Variants in EML6 observed in about 807,000 individuals in gnomAD.
The protein encoded by EML6 is echinoderm microtubule-associated protein-like 6.
EML6 carries 154 observed loss-of-function variants against 240.1 expected under a neutral mutation model. The ratio of observed to expected loss-of-function variants is 0.64; its 90% confidence interval spans 0.56 to 0.73. The LOEUF is 0.73. Among genes scored for constraint, EML6 ranks in the 30% least tolerant of loss-of-function variants. The pLI is 0.00. For synonymous variants in EML6, 1,148 were observed against 899.0 expected (o/e 1.28, Z -4.95); for missense variants, 2,964 against 2,474.6 (o/e 1.20, Z -4.20).
intron 17 of EML6, among the ~76,000 whole-genome samples, chr2:54,886,160 C>CTTT (rs869107962): frequency 3.5e-3 from 284 of 82,190 alleles, no homozygotes; most frequent in Middle Eastern, 8.2e-3. Flanking sequence ...TTTTAACCTT[C>CTTT]TTTTTTTTTT....
rs1670997136 is a variant in EML6 at position 54,866,856 on chromosome 2, G to A, written c.2023G>A (p.Asp675Asn). The change falls in exon 14 of 42, where the codon GAC becomes AAC. Residue 675 changes from aspartate to asparagine, a missense_variant. Physicochemically the swap from Asp to Asn is conservative, Grantham distance 23. Transcript: ENST00000356458. ...PFLKREKAPE[D>N]SLKLQFIHGY... The stretch of plus-strand genomic sequence containing the variant: ...CCTCAAACGAGAAAAGGCTCCTGAG[G>A]ACAGCTTGAAACTCCAGTTCATACA... 1.3e-6 allele frequency: 2 copies of A among 1,550,890 alleles called. No homozygotes were observed. The highest frequency in any genetic ancestry group is 1.7e-6 in the Non-Finnish European group (2 of 1,146,484).
At chr2:54,797,113 C>T (rs1173457914) in intron 2 of EML6, among the ~76,000 whole-genome samples, 1 of 135,270 alleles carries the variant, frequency 7.4e-6, no homozygotes, top group Non-Finnish European at 1.5e-5. Context: ...TGCAGTGAGC[C>T]GAGATCGTGC....
rs371490735 is a variant in EML6, at chr2:54,895,006, C to A, written c.2834C>A (p.Ala945Glu). The A allele has an allele frequency of 6.4e-7, 1 of 1,550,874 alleles. No homozygotes were observed. The highest frequency in any genetic ancestry group is 8.7e-7 in the Non-Finnish European group (1 of 1,146,194). Reference protein sequence around the residue: ...CLKTYAIKRSALSTSSKGLLL... With the variant: ...CLKTYAIKRSELSTSSKGLLL... ...AAGACTTATGCCATTAAAAGATCAG[C>A]ATTGTCGACTAGCTCAAAAGGTGCC... Residue 945 changes from alanine (A) to glutamate (E), a missense_variant, in exon 20 of 42, where the codon GCA becomes GAA. Transcript: ENST00000356458.
rs1573177410 is a variant in EML6, at chr2:54,935,875, A to T, written c.4004+7124A>T. Among the ~76,000 whole-genome samples the T allele has an allele frequency of 4.6e-5, 7 of 152,264 alleles. No homozygotes were observed. The South Asian group carries it at 1.2e-3, about 27-fold the overall frequency. On this transcript the variant is annotated intron_variant, in intron 28 of 41. Coordinates refer to ENST00000356458, the MANE Select transcript of EML6 (RefSeq NM_001039753.4). ...GGCCCTATCTCTACAAACAAAATTT[A>T]AAAAATTAGCTGGGAATGAAAACAC...
intron 16 of EML6, among the ~76,000 whole-genome samples, chr2:54,878,893 T>C (rs1051386763): frequency 6.6e-6 from 1 of 152,210 alleles, no homozygotes; most frequent in Admixed American, 6.5e-5. Context: ...AGGATATATA[T>C]CAAATGTTAG....
intron 2 of EML6, among the ~76,000 whole-genome samples, chr2:54,761,118 T>C (rs1313470780): frequency 6.6e-6 from 1 of 152,156 alleles, no homozygotes; most frequent in African/African-American, 2.4e-5. Flanking sequence ...AGCCAAATGA[T>C]AATAACTCTC....
At chr2:54,884,448 C>T (rs1672012198) in intron 17 of EML6, among the ~76,000 whole-genome samples, 1 of 152,170 alleles carries the variant, frequency 6.6e-6, no homozygotes, top group African/African-American at 2.4e-5. Flanking sequence ...ATCTTTTGAT[C>T]CCTCTCCCTT....
Position 54,928,703 on chromosome 2 carries a change from A to G in EML6, c.3956A>G (p.Glu1319Gly). ...KIYAVSIREM[E>G]GTKPHQQLKE... ...TATGCTGTGAGCATCAGGGAAATGG[A>G]AGGCACCAAGCCACACCAGCAGCTG... The change falls in exon 28 of 42, where the codon GAA (glutamate) becomes GGA (glycine). Residue 1319 changes from glutamate (E) to glycine (G), a missense_variant. Physicochemically the swap from Glu to Gly is moderately conservative, Grantham distance 98. Coordinates refer to ENST00000356458, the MANE Select transcript of EML6 (RefSeq NM_001039753.4). 1 of 1,551,718 alleles carries G rather than the reference A, an allele frequency of 6.4e-7. No homozygotes were observed. The highest frequency in any genetic ancestry group is 1.2e-5 in the South Asian group (1 of 84,050).
rs1208702091 is a variant in EML6, at chr2:54,725,319, G to A, written c.197+61G>A. ...CGTGTGGAGGCTGGGAAGGTGGGAA[G>A]CGGTTGACCTGGGGTCGGATCCGGG... On this transcript the variant is annotated intron_variant, in intron 2 of 41. Coordinates refer to ENST00000356458, the MANE Select transcript of EML6 (RefSeq NM_001039753.4). The surrounding 1 kb of genome is among the most constrained non-coding windows in gnomAD (Gnocchi z 4.3). 7.8e-7 allele frequency: 1 copy of A among 1,286,982 alleles called. No homozygotes were observed. Among genetic ancestry groups the A allele is most frequent in the Admixed American group, 3.3e-5 (1 of 29,990 alleles). 79.7% of individuals were successfully genotyped at this position (1,286,982 alleles called of 1,614,324 possible).
At chr2:54,873,144 C>G (rs895087973) in intron 16 of EML6, among the ~76,000 whole-genome samples, 1 of 152,104 alleles carries the variant, frequency 6.6e-6, no homozygotes, top group African/African-American at 2.4e-5. Context: ...CATTATAAAC[C>G]ACGTTTGGGT....
chr2:54,863,777 C>T lies in EML6; in HGVS notation c.1826-6C>T, dbSNP rs1670808158. The T allele has an allele frequency of 6.7e-7, 1 of 1,501,178 alleles. No individual in the cohort carries two copies. The highest frequency in any genetic ancestry group is 9.1e-7 in the Non-Finnish European group (1 of 1,103,758). 93.0% of individuals were successfully genotyped at this position (1,501,178 alleles called of 1,614,324 possible). A position where few individuals can be genotyped will look rare whatever the true frequency, so the allele number is the denominator to read the frequency against. ...TGCTTGTTTCTTGTGGGTTGTATCT[C>T]TGCAGAAGGTGGAGCTGATTCCTAC... On this transcript the variant is annotated splice_polypyrimidine_tract_variant and splice_region_variant and intron_variant, in intron 12 of 41. Transcript: ENST00000356458.
chr2:54,877,250 T>C (rs1671556839), intron 16 of EML6, among the ~76,000 whole-genome samples: 1 of 152,068 alleles, frequency 6.6e-6, no homozygotes, highest in African/African-American at 2.4e-5. Context: ...TCCCAAAGTG[T>C]TGGGATTACA....
chr2:54,894,044 T>C lies in EML6; in HGVS notation c.2743-871T>C, dbSNP rs531552332. Among the ~76,000 whole-genome samples the C allele has an allele frequency of 5.9e-5, 9 of 152,280 alleles. No homozygotes were observed. In the South Asian group the frequency reaches 1.9e-3, roughly 32 times the overall value. ...CACAATATAATATATTGCATTTTAA[T>C]TTAATTTGGGGATTGAATTTTCCTG... is the stretch of plus-strand genomic sequence containing the variant. On this transcript the variant is annotated intron_variant, in intron 19 of 41. Transcript: ENST00000356458.
chr2:54,753,933 G>A (rs1042826969), intron 2 of EML6, among the ~76,000 whole-genome samples: 3 of 151,802 alleles, frequency 2.0e-5, no homozygotes, highest in African/African-American at 4.8e-5. Context: ...TCAGGAGTTC[G>A]AGACCAGCCT....
intron 9 of EML6, among the ~76,000 whole-genome samples, chr2:54,848,813 C>G (rs1669915946): frequency 6.6e-6 from 1 of 152,022 alleles, no homozygotes; most frequent in Admixed American, 6.6e-5. Flanking sequence ...TGGTCAGAAA[C>G]AAAACAAAAT....
intron 7 of EML6, among the ~76,000 whole-genome samples, chr2:54,833,123 C>A (rs1416067985): frequency 6.6e-6 from 1 of 152,138 alleles, no homozygotes; most frequent in African/African-American, 2.4e-5. Context: ...GGTATGGGTA[C>A]TTTTCTATGT....
intron 7 of EML6, among the ~76,000 whole-genome samples, chr2:54,836,363 C>T (rs1669141494): frequency 6.6e-6 from 1 of 152,202 alleles, no homozygotes; most frequent in East Asian, 1.9e-4. Context: ...GTGTATCTTT[C>T]ACAGTTCCCG....
At chr2:54,870,717 G>A (rs568915343) in intron 15 of EML6, among the ~76,000 whole-genome samples, 10 of 151,946 alleles carry the variant, frequency 6.6e-5, no homozygotes, top group Non-Finnish European at 1.0e-4. Flanking sequence ...AATCCCCAAG[G>A]AGTTACTGCA....
chr2:54,808,341 A>C (rs916895202), intron 2 of EML6, among the ~76,000 whole-genome samples: 1 of 152,140 alleles, frequency 6.6e-6, no homozygotes, highest in Non-Finnish European at 1.5e-5. Context: ...ATGAACATCC[A>C]CTGAGGTTGG....
Sources: allele counts gnomAD v4.1 joint callset (sites outside exome capture counted in the v4.1 genomes callset), GRCh38; gene constraint gnomAD v4.1.1; non-coding constraint Gnocchi (gnomAD v3.1); transcripts MANE v1.5; gene names NCBI Gene and HGNC (gene_info 2026-07-23, HGNC 2026-07-21).